MYL3: variants seen among roughly 807,000 people sequenced by gnomAD.
MYL3 encodes the protein myosin light chain 3.
Under a neutral mutation model 21.3 loss-of-function variants are expected in MYL3, and 11 were observed. The ratio of observed to expected loss-of-function variants is 0.52; its 90% CI spans 0.32 to 0.85. The LOEUF is 0.85. MYL3 is among the 40% of genes least tolerant of loss of function. The probability of loss-of-function intolerance (pLI) is 0.03; values close to 1 mark genes in which losing one functional copy is unlikely to be tolerated. For missense variants in MYL3, 206 were observed against 253.3 expected, an observed-to-expected ratio of 0.81 and a Z score of 1.27; for synonymous variants, 88 against 91.6, an observed-to-expected ratio of 0.96 and a Z score of 0.22.
intron 1 of MYL3, among the ~76,000 whole-genome samples, chr3:46,872,442 A>ACCCCCCCCCCCCCCCCCCCCCCCCCAGC (rs200592186): frequency 7.3e-6 from 1 of 137,420 alleles, no homozygotes; most frequent in Non-Finnish European, 1.6e-5. Flanking sequence ...GGGCCCCAAG[A>ACCCCCCCCCCCCCCCCCCCCCCCCCAGC]CCCCCCCCCT....
chr3:46,874,412 T>C lies in MYL3; in HGVS notation c.-218+7662A>G, dbSNP rs1050866597. On this transcript the variant is annotated intron_variant, in intron 1 of 3. Transcript: ENST00000431168. This position sits in a 1 kb window ranked among gnomAD's most constrained non-coding sequence, Gnocchi z 4.1. ...CCCACATAGAGGGTTCCTCCAGGCC[T>C]AACAGGGCAGGAGTGTCAGGACTAG... Among the ~76,000 whole-genome samples the C allele has an allele frequency of 6.6e-6, 1 of 152,080 alleles. No homozygotes were observed. The highest frequency in any genetic ancestry group is 1.5e-5 in the Non-Finnish European group (1 of 68,018).
At chr3:46,881,606 G>A (rs2030571406) in intron 1 of MYL3, among the ~76,000 whole-genome samples, 1 of 152,216 alleles carries the variant, frequency 6.6e-6, no homozygotes. Flanking sequence ...GAGACGCTGG[G>A]CAGGGAGGGA....
In MYL3 at chr3:46,879,792, A is replaced by C. The variant is rs2030443929; in HGVS notation, c.-218+2282T>G. Among the ~76,000 whole-genome samples the C allele has an allele frequency of 6.6e-6, 1 of 152,000 alleles. No homozygotes were observed. The highest frequency in any genetic ancestry group is 2.4e-5 in the African/African-American group (1 of 41,364). ...TGTGGTGGCTCACGCTTGTAATCTC[A>C]ACACTTTGGGAGGCCGAGACAGGAT... On this transcript the variant is annotated intron_variant, in intron 1 of 3. Transcript: ENST00000431168. The surrounding 1 kb of genome is among the most constrained non-coding windows in gnomAD (Gnocchi z 4.7).
intron 1 of MYL3, among the ~76,000 whole-genome samples, chr3:46,872,442 A>ACCCCCCCCCCCCAC (rs200592186): frequency 7.3e-6 from 1 of 137,410 alleles, no homozygotes; most frequent in African/African-American, 2.7e-5. Flanking sequence ...GGGCCCCAAG[A>ACCCCCCCCCCCCAC]CCCCCCCCCT....
upstream of MYL3, among the ~76,000 whole-genome samples, chr3:46,865,042 G>A (rs1026961547): frequency 6.6e-6 from 1 of 152,212 alleles, no homozygotes. The surrounding 1 kb of genome is among the most constrained non-coding windows in gnomAD (Gnocchi z 4.3). Flanking sequence ...TTTCCCTGGT[G>A]TGGCAAGGGG....
intron 1 of MYL3, among the ~76,000 whole-genome samples, chr3:46,869,420 GGGGCTCTGCCCA>G (rs1018635775): frequency 2.0e-5 from 3 of 152,084 alleles, no homozygotes; most frequent in African/African-American, 7.2e-5. Context: ...GTGCTGGGCT[GGGGCTCTGCCCA>G]GCGCTGCACC....
chr3:46,880,105 T>C (rs2030460872), intron 1 of MYL3: 1 of 152,264 alleles, frequency 6.6e-6, no homozygotes, highest in Admixed American at 6.5e-5. Flanking sequence ...ACAAGTGTTC[T>C]TTAGGTGCCC....
In MYL3 at chr3:46,859,767, A is replaced by G; in HGVS notation, c.308-119T>C. On this transcript the variant is annotated intron_variant, in intron 3 of 6. Transcript: ENST00000292327. The surrounding 1 kb of genome is among the most constrained non-coding windows in gnomAD (Gnocchi z 4.1). ...ACACAGTTCTACAACAGTCTACACC[A>G]GTTCTCACAGCAGTCTACACCAGTT... The G allele has an allele frequency of 8.4e-7, 1 of 1,192,250 alleles. No homozygotes were observed. The highest frequency in any genetic ancestry group is 1.2e-6 in the Non-Finnish European group (1 of 805,088). 73.9% of individuals were successfully genotyped at this position (1,192,250 alleles called of 1,614,324 possible).
Position 46,861,721 on chromosome 3 carries a change from C to A in MYL3, c.130-734G>T, listed in dbSNP as rs34779851. ...GATTGACGTCAATCAAGAGGCCTCC[C>A]GGGATCCAGTGTCCCCCTCCTCACC... On this transcript the variant is annotated intron_variant, in intron 1 of 6. Transcript: ENST00000292327. This position sits in a 1 kb window ranked among gnomAD's most constrained non-coding sequence, Gnocchi z 4.2. 0.11 allele frequency among the ~76,000 whole-genome samples: 17,393 copies of A among 152,084 alleles called. 3,153 individuals are homozygous for A. Among genetic ancestry groups the A allele is most frequent in the African/African-American group, 0.38 (15,815 of 41,402 alleles).
chr3:46,872,383 G>A (rs1010254006), intron 1 of MYL3, among the ~76,000 whole-genome samples: 3 of 152,202 alleles, frequency 2.0e-5, no homozygotes, highest in East Asian at 1.9e-4. Flanking sequence ...CCTGGTCTGA[G>A]AGCATAAGCA....
intron 4 of MYL3, 97 bp from the exon 5 acceptor site, chr3:46,858,558 C>A: frequency 8.8e-7 from 1 of 1,141,966 alleles, no homozygotes; most frequent in Non-Finnish European, 1.3e-6. Context: ...CTCAACCTCT[C>A]CAGTATTCCC....
rs566171277 is a variant in MYL3 at position 46,882,161 on chromosome 3, T to A, written c.-305A>T. ...AAGGCTCCTCTCGGCCTCTCCACAC[T>A]CCCGCGTCGGCGGCTGCGGAGGGGG... On this transcript the variant is annotated 5_prime_UTR_variant, in exon 1 of 4. Transcript: ENST00000431168. This position sits in a 1 kb window ranked among gnomAD's most constrained non-coding sequence, Gnocchi z 4.3. 4 of 143,854 alleles carry A rather than the reference T, an allele frequency of 2.8e-5. No individual in the cohort carries two copies. The highest frequency in any genetic ancestry group is 6.1e-5 in the Non-Finnish European group (4 of 65,604). The allele number at this position is 143,854 out of a possible 1,614,324, so 8.9% of individuals were successfully genotyped here. A position where few individuals can be genotyped will look rare whatever the true frequency, so the allele number is the denominator to read the frequency against.
chr3:46,868,613 G>A (rs1020874327), intron 1 of MYL3, among the ~76,000 whole-genome samples: 2 of 152,306 alleles, frequency 1.3e-5, no homozygotes, highest in South Asian at 2.1e-4. Context: ...GGCCACGGCC[G>A]CTATATTTGG....
At chr3:46,871,829 C>T (rs1362149589) in intron 1 of MYL3, among the ~76,000 whole-genome samples, 2 of 152,206 alleles carry the variant, frequency 1.3e-5, no homozygotes, top group East Asian at 1.9e-4. Context: ...TACCTCTGTG[C>T]CCCAAAGGTC....
intron 5 of MYL3, 34 bp downstream of exon 5, chr3:46,858,350 C>A (rs368826045): frequency 4.3e-6 from 7 of 1,614,008 alleles, no homozygotes; most frequent in Non-Finnish European, 5.9e-6. Context: ...CCAGCACTCC[C>A]CTCCCAGAAG....
Position 46,863,249 on chromosome 3 carries a change from C to T in MYL3, c.129+13G>A, listed in dbSNP as rs1042257220. ...CCCTGCTCCTATTGCCACCACCCAG[C>T]TTCCATACCCACCTTGATCTTGGAA... On this transcript the variant is annotated intron_variant, in intron 1 of 6. Coordinates refer to ENST00000292327, the MANE Select transcript of MYL3 (RefSeq NM_000258.3). 1 of 1,614,012 alleles carries T rather than the reference C, an allele frequency of 6.2e-7. No individual in the cohort carries two copies. Among genetic ancestry groups the T allele is most frequent in the South Asian group, 1.1e-5 (1 of 91,080 alleles).
intron 1 of MYL3, among the ~76,000 whole-genome samples, chr3:46,872,938 A>C (rs1471331378): frequency 1.3e-5 from 2 of 152,192 alleles, no homozygotes; most frequent in Non-Finnish European, 2.9e-5. Context: ...TGAGAGACAA[A>C]GAGGTAAGGG....
upstream of MYL3, among the ~76,000 whole-genome samples, chr3:46,867,719 C>A (rs1032759553): frequency 6.6e-6 from 1 of 152,242 alleles, no homozygotes; most frequent in Non-Finnish European, 1.5e-5. Context: ...GCCCACACTT[C>A]CCGGAGGAGT....
intron 1 of MYL3, among the ~76,000 whole-genome samples, chr3:46,869,091 G>A (rs1024484138): frequency 1.3e-5 from 2 of 152,184 alleles, no homozygotes; most frequent in African/African-American, 4.8e-5. Context: ...TCTGCCTGCT[G>A]GTCCAGCTTC....
Sources: allele counts gnomAD v4.1 joint callset (sites outside exome capture counted in the v4.1 genomes callset), GRCh38; gene constraint gnomAD v4.1.1; non-coding constraint Gnocchi (gnomAD v3.1); transcripts MANE v1.5; gene names NCBI Gene and HGNC (gene_info 2026-07-23, HGNC 2026-07-21).